COMMD1: variants seen among roughly 807,000 people sequenced by gnomAD.
COMMD1 encodes the protein COMM domain-containing protein 1.
A neutral mutation model predicts 17.2 loss-of-function variants in COMMD1; 10 were observed. The ratio of observed to expected loss-of-function variants is 0.58; its 90% CI spans 0.36 to 0.99. The LOEUF is 0.99. COMMD1 is among the 50% of genes least tolerant of loss of function. The pLI, the probability that COMMD1 is intolerant of heterozygous loss-of-function variation, is 0.01. For synonymous variants in COMMD1, 97 were observed against 91.6 expected (o/e 1.06, Z -0.34); for missense variants, 270 against 231.8 (o/e 1.17, Z -1.07).
At chr2:62,038,737 C>T (rs557024146) in intron 2 of COMMD1, among the ~76,000 whole-genome samples, 13 of 151,998 alleles carry the variant, frequency 8.6e-5, no homozygotes, top group Middle Eastern at 3.4e-3. Context: ...TTAGTAGAGC[C>T]GGGGTTTCAC....
At chr2:61,957,316 G>A (rs1358205604) in intron 1 of COMMD1, among the ~76,000 whole-genome samples, 2 of 152,092 alleles carry the variant, frequency 1.3e-5, no homozygotes, top group African/African-American at 4.8e-5. Context: ...TTTCTAAAAT[G>A]CCTAGATGAC....
intron 2 of COMMD1, among the ~76,000 whole-genome samples, chr2:62,057,708 T>G (rs2103931949): frequency 6.6e-6 from 1 of 152,112 alleles, no homozygotes; most frequent in East Asian, 1.9e-4. Flanking sequence ...TAGCTGGGAT[T>G]ACAGGCATGC....
chr2:62,120,357 T>C (rs1672710793), intron 2 of COMMD1, among the ~76,000 whole-genome samples: 1 of 151,998 alleles, frequency 6.6e-6, no homozygotes, highest in African/African-American at 2.4e-5. Context: ...AAATATATTG[T>C]AGTTTGTTTA....
chr2:62,020,604 A>T (rs1221734389), intron 2 of COMMD1, among the ~76,000 whole-genome samples: 1 of 152,208 alleles, frequency 6.6e-6, no homozygotes, highest in African/African-American at 2.4e-5. Context: ...ATTTGGGCTC[A>T]CTTCCTTAAA....
rs1671246172 is a variant in COMMD1, at chr2:61,958,256, GTTTC to G, written c.181-42436_181-42433del. 2.0e-5 allele frequency among the ~76,000 whole-genome samples: 3 copies of G among 148,882 alleles called. No individual in the cohort carries two copies. The South Asian group carries it at 6.3e-4, about 32-fold the overall frequency. On this transcript the variant is annotated intron_variant, in intron 1 of 2. Coordinates refer to ENST00000311832, the MANE Select transcript of COMMD1 (RefSeq NM_152516.4). ...CACAAACCCCGTTTTCTGTATTGTG[GTTTC>G]TTTCTTTCCTTTTTTTTTTTTTTGA...
chr2:62,018,043 A>G (rs1188254345), intron 2 of COMMD1, among the ~76,000 whole-genome samples: 5 of 151,550 alleles, frequency 3.3e-5, no homozygotes, highest in South Asian at 2.1e-4. Flanking sequence ...AGCATGACCT[A>G]TCTCAAAAAA....
At chr2:62,130,733 T>G (rs948742574) in intron 2 of COMMD1, among the ~76,000 whole-genome samples, 15 of 152,228 alleles carry the variant, frequency 9.9e-5, no homozygotes, top group Non-Finnish European at 7.3e-5. Context: ...TTTTCTAGTT[T>G]AAGCATTTTG....
intron 2 of COMMD1, among the ~76,000 whole-genome samples, chr2:62,123,437 G>A (rs895611015): frequency 3.1e-4 from 47 of 150,614 alleles, no homozygotes; most frequent in Admixed American, 2.6e-4. Context: ...CCCGGGAGGC[G>A]GAGGGTGTAG....
intron 1 of COMMD1, among the ~76,000 whole-genome samples, chr2:61,961,303 C>T (rs555836267): frequency 6.6e-6 from 1 of 152,312 alleles, no homozygotes; most frequent in East Asian, 1.9e-4. Flanking sequence ...TAGGACCTCA[C>T]ATTTTACACT....
chr2:61,919,093 A>T (rs1670119051), intron 1 of COMMD1, among the ~76,000 whole-genome samples: 1 of 149,898 alleles, frequency 6.7e-6, no homozygotes, highest in Non-Finnish European at 1.5e-5. Flanking sequence ...CTCACCGAAG[A>T]CTCTGCCTCT....
At chr2:62,026,372 A>G (rs4672474) in intron 2 of COMMD1, among the ~76,000 whole-genome samples, 139,772 of 152,176 alleles carry the variant, frequency 0.92, 64,387 homozygotes, top group East Asian at 1. Flanking sequence ...GCAAGAACTA[A>G]AGAAAAGGGT....
rs138819566 is a variant in COMMD1, at chr2:62,067,735, G to A, written c.462+66753G>A. 1.6e-4 allele frequency among the ~76,000 whole-genome samples: 24 copies of A among 152,260 alleles called. 1 individual carries two copies. Among genetic ancestry groups the A allele is most frequent in the African/African-American group, 5.8e-4 (24 of 41,544 alleles). ...AGGCCTGTTTGCTCGGATTCTTCTT[G>A]GCCTTTCTCTGTAAGATTCCTTTCC... On this transcript the variant is annotated intron_variant, in intron 2 of 2. Coordinates refer to ENST00000311832, the MANE Select transcript of COMMD1 (RefSeq NM_152516.4).
At chr2:62,052,460 T>C (rs1257001175) in intron 2 of COMMD1, among the ~76,000 whole-genome samples, 1 of 152,194 alleles carries the variant, frequency 6.6e-6, no homozygotes, top group Non-Finnish European at 1.5e-5. Context: ...GATTATTCCA[T>C]TGTTGCTTGG....
intron 1 of COMMD1, among the ~76,000 whole-genome samples, chr2:61,988,267 T>A (rs1038110301): frequency 6.6e-6 from 1 of 152,060 alleles, no homozygotes; most frequent in Non-Finnish European, 1.5e-5. Flanking sequence ...ATGTGGTAGG[T>A]CACACCTGAA....
chr2:61,981,609 G>A (rs1221593632), intron 1 of COMMD1, among the ~76,000 whole-genome samples: 1 of 152,148 alleles, frequency 6.6e-6, no homozygotes. Flanking sequence ...AGGTTTTAAT[G>A]AACTTACAGT....
chr2:62,102,449 C>G (rs893925361), intron 2 of COMMD1, among the ~76,000 whole-genome samples: 3 of 152,268 alleles, frequency 2.0e-5, no homozygotes, highest in East Asian at 3.9e-4. Flanking sequence ...TTCTGTGTCA[C>G]TTGGACTGTC....
intron 2 of COMMD1, chr2:62,118,154 C>T (rs1264809896): frequency 2.0e-5 from 3 of 152,174 alleles, no homozygotes; most frequent in Non-Finnish European, 4.4e-5. Flanking sequence ...AATCTTTCTG[C>T]CAAATATGAC....
chr2:62,053,488 G>C (rs1219065886), intron 2 of COMMD1, among the ~76,000 whole-genome samples: 1 of 152,126 alleles, frequency 6.6e-6, no homozygotes, highest in Non-Finnish European at 1.5e-5. Flanking sequence ...TGAGGCTAAT[G>C]AGCTGAGGTC....
At chr2:62,070,111 A>C (rs987900325) in intron 2 of COMMD1, 3 of 152,232 alleles carry the variant, frequency 2.0e-5, no homozygotes, top group African/African-American at 7.2e-5. Context: ...CTGGCTATAA[A>C]TTGGAGGGAT....
Sources: gnomAD v4.1 joint callset for allele counts (sites outside exome capture counted in the v4.1 genomes callset) on GRCh38, gnomAD v4.1.1 for gene constraint, MANE v1.5 for transcripts, NCBI Gene and HGNC (gene_info 2026-07-23, HGNC 2026-07-21) for gene names.